The following MTREX variants were observed in gnomAD, a reference collection of about 807,000 sequenced individuals.
MTREX encodes the protein Mtr4 exosome RNA helicase, also known as exosome RNA helicase MTR4.
In MTREX, 76 loss-of-function variants were observed where a neutral mutation model predicts 135.4. That is an observed-to-expected ratio of 0.56 (90% CI 0.47 to 0.68). The LOEUF is 0.68. Ranked by LOEUF, MTREX falls within the 30% of genes least tolerant of loss-of-function variation. MTREX has a pLI of 0.00. For missense variants in MTREX, 920 were observed against 1,262.1 expected (o/e 0.73, Z 4.11); for synonymous variants, 404 against 401.6 (o/e 1.01, Z -0.07).
At chr5:55,325,112 A>G (rs977738915) in intron 3 of MTREX, among the ~76,000 whole-genome samples, 2 of 152,200 alleles carry the variant, frequency 1.3e-5, no homozygotes, top group Non-Finnish European at 2.9e-5. Flanking sequence ...ATTTTTTATT[A>G]TAAACATTAT....
Position 55,410,548 on chromosome 5 carries a change from G to A in MTREX, c.2670G>A (p.Glu890=). 1 of 1,610,410 alleles carries A rather than the reference G, an allele frequency of 6.2e-7. No individual in the cohort carries two copies. Among genetic ancestry groups the A allele is most frequent in the Non-Finnish European group, 8.5e-7 (1 of 1,177,544 alleles). The change falls in exon 23 of 27, where the codon GAG becomes GAA. Residue 890 remains glutamate, a synonymous_variant. Transcript: ENST00000230640. ...ISSADELLLT[E]MMFNGLFNDL... ...GTGCTGATGAGCTCCTTCTAACTGA[G>A]ATGATGTTTAATGGCCTTTTCAATG... is the stretch of plus-strand genomic sequence containing the variant.
intron 17 of MTREX, 49 bp from the exon 18 acceptor site, chr5:55,379,078 T>A: frequency 7.6e-7 from 1 of 1,319,680 alleles, no homozygotes; most frequent in Non-Finnish European, 1.1e-6. Context: ...TGAAATTGCC[T>A]TGTAGATATA....
At chr5:55,347,207 G>A in intron 11 of MTREX, 63 bp downstream of exon 11, 1 of 1,468,746 alleles carries the variant, frequency 6.8e-7, no homozygotes. Flanking sequence ...TATATTTCTA[G>A]TAATATTTTT....
intron 18 of MTREX, among the ~76,000 whole-genome samples, chr5:55,385,548 T>A (rs1266281492): frequency 6.6e-6 from 1 of 152,152 alleles, no homozygotes; most frequent in Non-Finnish European, 1.5e-5. Flanking sequence ...GAGTTTCTGT[T>A]TCAGTGAAGT....
rs1349701483 is a variant in MTREX at position 55,400,329 on chromosome 5, G to T, written c.2389G>T (p.Val797Leu). The change falls in exon 21 of 27, where the codon GTA becomes TTA. Residue 797 changes from valine (V) to leucine (L), a missense_variant. Val to Leu is a conservative substitution (Grantham distance 32). Around this residue, in one of 6 missense-constraint regions of MTREX, gnomAD observed 467 missense variants for 589.7 expected, o/e 0.79. Coordinates refer to ENST00000230640, the MANE Select transcript of MTREX (RefSeq NM_015360.5). Reference protein sequence around the residue: ...DQGLKKVIQKVEAFEHRMYSH... With the variant: ...DQGLKKVIQKLEAFEHRMYSH... ...AGGGCTGAAAAAAGTCATTCAGAAA[G>T]TAGAAGCTTTTGAGCATCGAATGTA... 1 of 1,613,208 alleles carries T rather than the reference G, an allele frequency of 6.2e-7. No individual in the cohort carries two copies. The highest frequency in any genetic ancestry group is 8.5e-7 in the Non-Finnish European group (1 of 1,179,648).
chr5:55,331,460 T>C (rs1749473820), intron 5 of MTREX, among the ~76,000 whole-genome samples: 1 of 152,236 alleles, frequency 6.6e-6, no homozygotes, highest in South Asian at 2.1e-4. Flanking sequence ...TTCCATGCAG[T>C]ATCTTGTGAA....
At chr5:55,311,979 TC>T (rs997822569) in intron 1 of MTREX, among the ~76,000 whole-genome samples, 13 of 152,218 alleles carry the variant, frequency 8.5e-5, no homozygotes, top group African/African-American at 2.9e-4. Flanking sequence ...TCAGTTTACT[TC>T]CTATTTCATT....
intron 25 of MTREX, among the ~76,000 whole-genome samples, chr5:55,419,192 C>T (rs548204550): frequency 1.3e-5 from 2 of 152,290 alleles, no homozygotes; most frequent in Admixed American, 6.5e-5. Flanking sequence ...AGCTGTAGCA[C>T]ACAGTACAGT....
chr5:55,320,507 C>A (rs938646936), intron 1 of MTREX, among the ~76,000 whole-genome samples: 1 of 152,130 alleles, frequency 6.6e-6, no homozygotes, highest in Non-Finnish European at 1.5e-5. Context: ...ATGAGTCACC[C>A]TGCCCAGCCT....
chr5:55,339,109 A>C (rs1749601707), intron 5 of MTREX, among the ~76,000 whole-genome samples: 1 of 151,910 alleles, frequency 6.6e-6, no homozygotes, highest in Admixed American at 6.6e-5. Context: ...TAGACTTTCC[A>C]TTTGATTATG....
chr5:55,351,237 A>G (rs558259441), intron 13 of MTREX, among the ~76,000 whole-genome samples: 1 of 152,278 alleles, frequency 6.6e-6, no homozygotes, highest in African/African-American at 2.4e-5. Flanking sequence ...TCCTTTCTTC[A>G]AGAATGTAGT....
chr5:55,352,407 A>G (rs1749844238), intron 13 of MTREX, among the ~76,000 whole-genome samples: 2 of 152,200 alleles, frequency 1.3e-5, no homozygotes, highest in African/African-American at 4.8e-5. Context: ...AAAATACACA[A>G]GCAGTACTTG....
In MTREX at chr5:55,324,424, C is replaced by CTTTTTTTTTTTT. The variant is rs10592726; in HGVS notation, c.339+255_339+266dup. 1.2e-4 allele frequency: 2 copies of CTTTTTTTTTTTT among 17,002 alleles called. 1 individual carries two copies. Among genetic ancestry groups the CTTTTTTTTTTTT allele is most frequent in the Non-Finnish European group, 2.2e-4 (2 of 9,000 alleles). The allele number at this position is 17,002 out of a possible 1,614,324, so 1.1% of individuals were successfully genotyped here. On this transcript the variant is annotated intron_variant, in intron 3 of 26. Transcript: ENST00000230640. ...ATCTTGGGTAAATTTCTTATTTTAACTTTTTTTTTTTTTTTTTTTTTTTTT... is the reference window on the plus strand; with the variant it reads ...ATCTTGGGTAAATTTCTTATTTTAACTTTTTTTTTTTTTTTTTTTTTTTTTTTTTTTTTTTTT...
chr5:55,314,274 G>A (rs987416213), intron 1 of MTREX, among the ~76,000 whole-genome samples: 5 of 152,218 alleles, frequency 3.3e-5, no homozygotes, highest in African/African-American at 1.2e-4. Flanking sequence ...AGCAATGACA[G>A]TCCCCCAGTG....
At chr5:55,416,190 A>T (rs1750963219) in intron 25 of MTREX, 58 bp downstream of exon 25, 1 of 1,085,888 alleles carries the variant, frequency 9.2e-7, no homozygotes, top group African/African-American at 1.7e-5. Flanking sequence ...TTAGGATGGT[A>T]TTGTTTTAAT....
At chr5:55,423,118 T>A (rs1751081131) in intron 26 of MTREX, 136 bp downstream of exon 26, 1 of 640,384 alleles carries the variant, frequency 1.6e-6, no homozygotes, top group South Asian at 2.1e-5. Flanking sequence ...CTACTAGTGT[T>A]TCTATAAAAT....
At chr5:55,375,155 G>A (rs753699090) in intron 16 of MTREX, among the ~76,000 whole-genome samples, 43 of 152,334 alleles carry the variant, frequency 2.8e-4, no homozygotes, top group South Asian at 1.0e-3. Context: ...GGACCAGGGC[G>A]AAATTAAAAT....
intron 23 of MTREX, among the ~76,000 whole-genome samples, chr5:55,411,758 A>G (rs961789631): frequency 2.0e-5 from 3 of 152,150 alleles, no homozygotes; most frequent in Non-Finnish European, 4.4e-5. Context: ...ACTTTACAAA[A>G]TATTGTGTTT....
At chr5:55,327,324 C>T (rs947847367) in intron 3 of MTREX, among the ~76,000 whole-genome samples, 4 of 152,148 alleles carry the variant, frequency 2.6e-5, no homozygotes, top group Admixed American at 2.0e-4. Flanking sequence ...TCTAGAGTCT[C>T]TTTTTTTCTA....
Sources: gnomAD v4.1 joint callset for allele counts (sites outside exome capture counted in the v4.1 genomes callset) on GRCh38, gnomAD v4.1.1 for gene constraint, gnomAD v4.1.1 regional missense constraint, MANE v1.5 for transcripts, NCBI Gene and HGNC (gene_info 2026-07-23, HGNC 2026-07-21) for gene names.